The following GRIK1 variants were observed in gnomAD, a reference collection of about 807,000 sequenced individuals.
The protein encoded by GRIK1 is glutamate ionotropic receptor kainate type subunit 1.
Under a neutral mutation model 105.7 loss-of-function variants are expected in GRIK1, and 69 were observed. The ratio of observed to expected loss-of-function variants is 0.65; its 90% CI spans 0.54 to 0.80. GRIK1 has a LOEUF of 0.80. Ranked by LOEUF, GRIK1 falls within the 30% of genes least tolerant of loss-of-function variation. GRIK1 has a pLI of 0.00. For synonymous variants in GRIK1, 438 were observed against 431.3 expected (o/e 1.02, Z -0.19); for missense variants, 1,109 against 1,167.3 (o/e 0.95, Z 0.73).
At chr21:29,660,761 C>A (rs1178138621) in intron 4 of GRIK1, among the ~76,000 whole-genome samples, 1 of 152,158 alleles carries the variant, frequency 6.6e-6, no homozygotes. Flanking sequence ...TAGCCTTTCT[C>A]AATATCAGGA....
At chr21:29,731,158 A>C (rs2064616343) in intron 1 of GRIK1, among the ~76,000 whole-genome samples, 1 of 152,224 alleles carries the variant, frequency 6.6e-6, no homozygotes, top group Non-Finnish European at 1.5e-5. Flanking sequence ...GTTTGATGAG[A>C]GGAATGAGCA....
At position 29,577,155 on chromosome 21, in the gene GRIK1, A is replaced by G. The variant is rs1245355301; in HGVS notation, c.1939T>C (p.Ser647Pro). Residue 647 changes from serine (S) to proline (P), a missense_variant, in exon 14 of 18, where the codon TCG becomes CCG. Coordinates refer to ENST00000327783, the MANE Select transcript of GRIK1 (RefSeq NM_001330994.2). ...CATATCCCTCCAACTATTCTGGTCG[A>G]TAGAGCTTTGGGCATCAGCTCTGAT... ...QGSELMPKAL[S>P]TRIVGGIWWF... 1 of 1,609,356 alleles carries G rather than the reference A, an allele frequency of 6.2e-7. No individual in the cohort carries two copies. The highest frequency in any genetic ancestry group is 1.7e-5 in the Admixed American group (1 of 59,992).
At chr21:29,715,813 T>C (rs967755629) in intron 1 of GRIK1, among the ~76,000 whole-genome samples, 1 of 151,884 alleles carries the variant, frequency 6.6e-6, no homozygotes, top group East Asian at 1.9e-4. Context: ...ACTCTATAAA[T>C]GTCAAGCACA....
At chr21:29,684,059 A>C (rs949572422) in intron 3 of GRIK1, among the ~76,000 whole-genome samples, 1 of 152,178 alleles carries the variant, frequency 6.6e-6, no homozygotes, top group African/African-American at 2.4e-5. Flanking sequence ...CGGTCTCCCG[A>C]ATACTGTTTG....
intron 7 of GRIK1, chr21:29,601,330 G>C: frequency 2.4e-6 from 1 of 420,476 alleles, no homozygotes; most frequent in South Asian, 1.7e-5. Context: ...ACACCAGCCA[G>C]CTTTCCAGGG....
chr21:29,746,986 G>C (rs1250188835), intron 1 of GRIK1, among the ~76,000 whole-genome samples: 1 of 152,158 alleles, frequency 6.6e-6, no homozygotes, highest in Non-Finnish European at 1.5e-5. Flanking sequence ...GGTTTACTTA[G>C]AGTGAATTTG....
chr21:29,600,434 A>T (rs1241498172), intron 7 of GRIK1, among the ~76,000 whole-genome samples: 1 of 152,194 alleles, frequency 6.6e-6, no homozygotes, highest in Non-Finnish European at 1.5e-5. Context: ...AGCTTCAATC[A>T]TTAGGTGATT....
chr21:29,674,526 C>A (rs1386639949), intron 3 of GRIK1, among the ~76,000 whole-genome samples: 2 of 152,006 alleles, frequency 1.3e-5, no homozygotes, highest in Admixed American at 6.6e-5. Context: ...TTGTAATCCC[C>A]ATGTGTCGGG....
chr21:29,693,962 T>C lies in GRIK1; in HGVS notation c.220A>G (p.Asn74Asp), dbSNP rs528103071. 1.9e-6 allele frequency: 3 copies of C among 1,612,756 alleles called. No homozygotes were observed. The highest frequency in any genetic ancestry group is 2.2e-5 in the East Asian group (1 of 44,864). ...TGGATGTCATAGGTTAATGTGGTGT[T>C]AGGCATCAGGGTTCGGTTTCTGTTA... Reference protein sequence around the residue: ...SINRNRTLMPNTTLTYDIQRI... With the variant: ...SINRNRTLMPDTTLTYDIQRI... Residue 74 changes from asparagine to aspartate, a missense_variant, in exon 2 of 18, where the codon AAC becomes GAC. This residue lies in a region of GRIK1 where 612 missense variants were observed against 586.0 expected (regional missense o/e 1.04). Transcript: ENST00000327783.
chr21:29,585,935 C>T (rs1030917681), intron 12 of GRIK1, among the ~76,000 whole-genome samples: 1 of 152,124 alleles, frequency 6.6e-6, no homozygotes, highest in East Asian at 1.9e-4. Flanking sequence ...GGGTACCTGT[C>T]CTGTACACCA....
intron 16 of GRIK1, among the ~76,000 whole-genome samples, chr21:29,553,900 A>T (rs1017507237): frequency 2.0e-5 from 3 of 152,172 alleles, no homozygotes; most frequent in African/African-American, 7.2e-5. Flanking sequence ...TGAAAGTTAA[A>T]GCAGATCAGT....
chr21:29,784,633 G>A (rs1356594682), intron 1 of GRIK1, among the ~76,000 whole-genome samples: 6 of 151,976 alleles, frequency 3.9e-5, no homozygotes, highest in Non-Finnish European at 7.4e-5. Flanking sequence ...AAATCTCTTT[G>A]TTTTTAATAA....
At chr21:29,843,033 GTGTTCTC>G (rs1258625340) in intron 1 of GRIK1, among the ~76,000 whole-genome samples, 1 of 151,842 alleles carries the variant, frequency 6.6e-6, no homozygotes, top group East Asian at 1.9e-4. Context: ...TTTTCCATCT[GTGTTCTC>G]AGTTCTGAAC....
chr21:29,808,830 T>C (rs2066932804), intron 1 of GRIK1, among the ~76,000 whole-genome samples: 1 of 152,150 alleles, frequency 6.6e-6, no homozygotes, highest in African/African-American at 2.4e-5. Flanking sequence ...CCCCCATGTT[T>C]GTGAGGGAAC....
intron 1 of GRIK1, among the ~76,000 whole-genome samples, chr21:29,924,566 A>G (rs2146335872): frequency 6.6e-6 from 1 of 152,254 alleles, no homozygotes; most frequent in East Asian, 1.9e-4. Context: ...ATATGAGGTC[A>G]ATGTGCAATT....
intron 7 of GRIK1, among the ~76,000 whole-genome samples, chr21:29,633,548 T>G (rs1054302949): frequency 1.2e-4 from 18 of 151,996 alleles, no homozygotes; most frequent in Non-Finnish European, 2.4e-4. Context: ...TTTCTGTTCT[T>G]TATAAATTAG....
At chr21:29,646,460 A>G (rs1316939297) in intron 6 of GRIK1, among the ~76,000 whole-genome samples, 1 of 151,476 alleles carries the variant, frequency 6.6e-6, no homozygotes, top group African/African-American at 2.4e-5. Context: ...GTTGCTATAA[A>G]TCTGTCATTG....
At chr21:29,743,050 T>C (rs2064967615) in intron 1 of GRIK1, among the ~76,000 whole-genome samples, 1 of 152,130 alleles carries the variant, frequency 6.6e-6, no homozygotes, top group Non-Finnish European at 1.5e-5. Context: ...TCTTTTTTTT[T>C]TTCAAGGTGT....
intron 1 of GRIK1, among the ~76,000 whole-genome samples, chr21:29,793,674 G>A (rs1309572234): frequency 2.0e-5 from 3 of 152,022 alleles, no homozygotes; most frequent in Non-Finnish European, 2.9e-5. Flanking sequence ...AAATAATTCA[G>A]GTTAACTAGA....
Sources: allele counts gnomAD v4.1 joint callset (sites outside exome capture counted in the v4.1 genomes callset), GRCh38; gene constraint gnomAD v4.1.1; regional missense constraint gnomAD v4.1.1; transcripts MANE v1.5; gene names NCBI Gene and HGNC (gene_info 2026-07-23, HGNC 2026-07-21).